SMOC2: variants seen among roughly 807,000 people sequenced by gnomAD.
The protein encoded by SMOC2 is SPARC-related modular calcium-binding protein 2.
A neutral mutation model predicts 61.4 loss-of-function variants in SMOC2; 39 were observed. The observed-to-expected ratio is 0.64, with a 90% CI of 0.49 to 0.83. SMOC2 has a LOEUF of 0.83. SMOC2 is among the 40% of genes least tolerant of loss of function. SMOC2 has a pLI of 0.00. For missense variants in SMOC2, 556 were observed against 592.9 expected (o/e 0.94, Z 0.65); for synonymous variants, 247 against 239.9 (o/e 1.03, Z -0.27).
At chr6:168,612,017 G>A (rs1466878975) in intron 9 of SMOC2, among the ~76,000 whole-genome samples, 1 of 152,196 alleles carries the variant, frequency 6.6e-6, no homozygotes, top group Non-Finnish European at 1.5e-5. Context: ...TCCGCGAGGT[G>A]GAACGAAGGA....
At chr6:168,545,981 G>A (rs1478009107) in intron 5 of SMOC2, among the ~76,000 whole-genome samples, 1 of 152,054 alleles carries the variant, frequency 6.6e-6, no homozygotes, top group East Asian at 1.9e-4. Context: ...TGTTAGACTT[G>A]GATATTTCAA....
intron 10 of SMOC2, among the ~76,000 whole-genome samples, chr6:168,652,737 T>C (rs1787227095): frequency 6.6e-6 from 1 of 152,230 alleles, no homozygotes; most frequent in South Asian, 2.1e-4. Context: ...ATTCACTGCA[T>C]CATTTACAAT....
chr6:168,495,369 GAC>G (rs760563552), intron 1 of SMOC2, among the ~76,000 whole-genome samples: 239 of 152,360 alleles, frequency 1.6e-3, no homozygotes, highest in Non-Finnish European at 3.0e-3. Flanking sequence ...CAGCCAGGGT[GAC>G]CTTGTCCGCG....
chr6:168,575,398 G>T (rs1784775908), intron 7 of SMOC2, among the ~76,000 whole-genome samples: 1 of 152,120 alleles, frequency 6.6e-6, no homozygotes, highest in Non-Finnish European at 1.5e-5. Context: ...GTAAAATATT[G>T]TTGGGAAGAT....
chr6:168,621,435 T>C (rs1015925523), intron 9 of SMOC2, among the ~76,000 whole-genome samples: 1 of 152,266 alleles, frequency 6.6e-6, no homozygotes, highest in Admixed American at 6.5e-5. Flanking sequence ...GTCTTTGATA[T>C]GCTCTTTAAA....
At chr6:168,518,602 CATGT>C (rs1340257086) in intron 2 of SMOC2, among the ~76,000 whole-genome samples, 1 of 138,350 alleles carries the variant, frequency 7.2e-6, no homozygotes, top group Admixed American at 7.5e-5. Flanking sequence ...AATGTGTGTT[CATGT>C]GTGTGCATGT....
intron 8 of SMOC2, among the ~76,000 whole-genome samples, chr6:168,599,494 A>C: frequency 2.5e-5 from 2 of 81,104 alleles, no homozygotes; most frequent in South Asian, 5.4e-4. Context: ...CATACCCCAC[A>C]CACCCACTGA....
intron 7 of SMOC2, among the ~76,000 whole-genome samples, chr6:168,571,105 C>T (rs1252163536): frequency 1.3e-5 from 2 of 152,166 alleles, no homozygotes; most frequent in Non-Finnish European, 2.9e-5. Flanking sequence ...TGTTAACCCC[C>T]GAGCATGGAC....
chr6:168,667,880 A>T lies in SMOC2; in HGVS notation c.*1442A>T, dbSNP rs971126043. 1.3e-5 allele frequency: 2 copies of T among 152,246 alleles called. No individual in the cohort carries two copies. The highest frequency in any genetic ancestry group is 4.8e-5 in the African/African-American group (2 of 41,460). 9.4% of individuals were successfully genotyped at this position (152,246 alleles called of 1,614,324 possible). ...ACAGAACCAGCTCAAGTACATGCCA[A>T]TGTTGTTTAAGAAACAGTTATGATC... On this transcript the variant is annotated 3_prime_UTR_variant, in exon 13 of 13. Coordinates refer to ENST00000356284, the MANE Select transcript of SMOC2 (RefSeq NM_001166412.2).
chr6:168,629,275 C>T (rs78047154), intron 9 of SMOC2, among the ~76,000 whole-genome samples: 4,671 of 152,336 alleles, frequency 0.031, 262 homozygotes, highest in African/African-American at 0.11. Context: ...GTCCTCATCG[C>T]CCCCAAGTGC....
intron 7 of SMOC2, among the ~76,000 whole-genome samples, chr6:168,558,998 A>G (rs1389797055): frequency 2.0e-5 from 3 of 152,232 alleles, no homozygotes; most frequent in African/African-American, 2.4e-5. Flanking sequence ...TGTTTACTGT[A>G]ATAGTAACTA....
chr6:168,519,980 G>T (rs1171590867), intron 2 of SMOC2, among the ~76,000 whole-genome samples: 1 of 149,414 alleles, frequency 6.7e-6, no homozygotes, highest in Non-Finnish European at 1.5e-5. Context: ...TTTAAAAAGA[G>T]AATACTTACG....
intron 9 of SMOC2, among the ~76,000 whole-genome samples, chr6:168,631,307 A>C (rs1200515384): frequency 6.6e-6 from 1 of 152,212 alleles, no homozygotes; most frequent in Middle Eastern, 3.2e-3. Context: ...ATACTGTCCC[A>C]CAAAAGTCAG....
At chr6:168,486,071 A>G (rs1562551323) in intron 1 of SMOC2, among the ~76,000 whole-genome samples, 1 of 152,126 alleles carries the variant, frequency 6.6e-6, no homozygotes, top group African/African-American at 2.4e-5. Context: ...GTTCCTGTGT[A>G]TGGTATCATA....
At chr6:168,649,275 A>G (rs958986740) in intron 9 of SMOC2, among the ~76,000 whole-genome samples, 25 of 152,184 alleles carry the variant, frequency 1.6e-4, no homozygotes, top group African/African-American at 6.0e-4. Context: ...TGGAATCTAA[A>G]TTGGGCAGAA....
intron 9 of SMOC2, among the ~76,000 whole-genome samples, chr6:168,628,951 C>T (rs1199398186): frequency 6.6e-6 from 1 of 152,224 alleles, no homozygotes; most frequent in African/African-American, 2.4e-5. Context: ...GAGGGAAGGG[C>T]AGGGGGCCCG....
At chr6:168,573,929 G>T (rs1355036792) in intron 7 of SMOC2, among the ~76,000 whole-genome samples, 2 of 152,216 alleles carry the variant, frequency 1.3e-5, no homozygotes, top group African/African-American at 4.8e-5. Flanking sequence ...CAGTCGCTGT[G>T]GCCAGTGGGG....
At chr6:168,545,112 T>C (rs1783960239) in intron 5 of SMOC2, among the ~76,000 whole-genome samples, 1 of 152,092 alleles carries the variant, frequency 6.6e-6, no homozygotes, top group Non-Finnish European at 1.5e-5. Flanking sequence ...GGTGTGGGTA[T>C]GTCGACATTT....
chr6:168,652,488 A>G (rs755896016), intron 10 of SMOC2, among the ~76,000 whole-genome samples: 10 of 152,172 alleles, frequency 6.6e-5, no homozygotes, highest in Admixed American at 6.5e-5. Flanking sequence ...AAAATATTGA[A>G]CCTAACATAA....
Sources: gnomAD v4.1 joint callset for allele counts (sites outside exome capture counted in the v4.1 genomes callset) on GRCh38, gnomAD v4.1.1 for gene constraint, MANE v1.5 for transcripts, NCBI Gene and HGNC (gene_info 2026-07-23, HGNC 2026-07-21) for gene names.